The following CDC42BPA variants were observed in gnomAD, a reference collection of about 807,000 sequenced individuals.
CDC42BPA encodes the protein serine/threonine-protein kinase MRCK alpha.
CDC42BPA carries 80 observed loss-of-function variants against 223.5 expected under a neutral mutation model. The observed-to-expected ratio is 0.36, with a 90% CI of 0.30 to 0.43. CDC42BPA has a LOEUF of 0.43. CDC42BPA is among the 20% of genes least tolerant of loss of function. CDC42BPA has a pLI of 1.00. For missense variants in CDC42BPA, 1,743 were observed against 2,099.9 expected (o/e 0.83, Z 3.32); for synonymous variants, 694 against 718.6 (o/e 0.97, Z 0.55).
rs1432521440 is a variant in CDC42BPA, at chr1:226,991,530, T to C, written c.*2738A>G. 6.6e-6 allele frequency: 1 copy of C among 152,232 alleles called. No individual in the cohort carries two copies. The highest frequency in any genetic ancestry group is 1.9e-4 in the East Asian group (1 of 5,200). The allele number at this position is 152,232 out of a possible 1,614,324, so 9.4% of individuals were successfully genotyped here. A position where few individuals can be genotyped will look rare whatever the true frequency, so the allele number is the denominator to read the frequency against. The stretch of plus-strand genomic sequence containing the variant: ...ATTCCCCCTGGCAGTGTTTCTCTCC[T>C]AAAGCCCTGCTTTTAGAATCTGCAC... On this transcript the variant is annotated 3_prime_UTR_variant, in exon 37 of 37. Transcript: ENST00000366766.
intron 5 of CDC42BPA, among the ~76,000 whole-genome samples, chr1:227,161,491 G>GCTA (rs1663884755): frequency 6.6e-6 from 1 of 152,086 alleles, no homozygotes; most frequent in African/African-American, 2.4e-5. Flanking sequence ...ATATGGGAGG[G>GCTA]CTACTTTAAC....
At chr1:227,077,717 CAAAAT>C (rs953819763) in intron 17 of CDC42BPA, among the ~76,000 whole-genome samples, 4 of 152,082 alleles carry the variant, frequency 2.6e-5, no homozygotes, top group South Asian at 2.1e-4. Flanking sequence ...TACCAACAAA[CAAAAT>C]AAAATAACAG....
chr1:227,180,816 T>C lies in CDC42BPA; in HGVS notation c.599+12970A>G, dbSNP rs1324883422. Among the ~76,000 whole-genome samples the C allele has an allele frequency of 3.9e-5, 6 of 152,182 alleles. No individual in the cohort carries two copies. The East Asian group carries it at 5.8e-4, about 15-fold the overall frequency. On this transcript the variant is annotated intron_variant, in intron 5 of 36. Coordinates refer to ENST00000366766, the MANE Select transcript of CDC42BPA (RefSeq NM_001394014.1). ...TCTTTCTTGTTCTAGTAGGATTCTG[T>C]GTCTTAAATCATTAGCATTTTTGAA...
At chr1:227,100,592 C>A (rs1040504060) in intron 15 of CDC42BPA, among the ~76,000 whole-genome samples, 1 of 144,530 alleles carries the variant, frequency 6.9e-6, no homozygotes, top group Non-Finnish European at 1.5e-5. Flanking sequence ...AGAAGTTTAT[C>A]GTTTCTTTCT....
At chr1:227,065,403 A>G (rs1172696217) in intron 21 of CDC42BPA, among the ~76,000 whole-genome samples, 2 of 152,224 alleles carry the variant, frequency 1.3e-5, no homozygotes, top group African/African-American at 4.8e-5. Context: ...AGTGTTGAGA[A>G]TATGCTCTGC....
At chr1:227,043,269 T>TG (rs1671754148) in intron 23 of CDC42BPA, among the ~76,000 whole-genome samples, 2 of 151,936 alleles carry the variant, frequency 1.3e-5, no homozygotes, top group Non-Finnish European at 2.9e-5. Context: ...AAAAATTAGC[T>TG]GGGCATGGTG....
chr1:227,083,163 C>T (rs1165059984), intron 16 of CDC42BPA, among the ~76,000 whole-genome samples: 1 of 151,456 alleles, frequency 6.6e-6, no homozygotes, highest in African/African-American at 2.4e-5. Flanking sequence ...TCTCTCCTTG[C>T]CTTTTGGGAA....
chr1:227,194,205 T>C (rs1004105039), intron 4 of CDC42BPA, among the ~76,000 whole-genome samples: 4 of 152,152 alleles, frequency 2.6e-5, no homozygotes, highest in Non-Finnish European at 5.9e-5. Flanking sequence ...ATATCATCAT[T>C]ATTATCATCT....
At chr1:227,047,792 C>T (rs1217550026) in intron 23 of CDC42BPA, 135 bp downstream of exon 23, 3 of 559,376 alleles carry the variant, frequency 5.4e-6, no homozygotes, top group Admixed American at 3.2e-5. Flanking sequence ...TATTTGCATT[C>T]ACACATAATT....
intron 1 of CDC42BPA, among the ~76,000 whole-genome samples, chr1:227,305,299 T>C (rs972652850): frequency 7.2e-5 from 11 of 152,112 alleles, no homozygotes; most frequent in Admixed American, 1.3e-4. Context: ...TCCCAGCACT[T>C]TGGGAAGCTG....
intron 1 of CDC42BPA, among the ~76,000 whole-genome samples, chr1:227,311,971 T>C (rs1287820292): frequency 6.6e-6 from 1 of 152,210 alleles, no homozygotes; most frequent in African/African-American, 2.4e-5. Flanking sequence ...GAACTGTCTA[T>C]ATTTTCACTG....
At position 227,026,532 on chromosome 1, in the gene CDC42BPA, T is replaced by C. The variant is rs115055606; in HGVS notation, c.4433-380A>G. ...AGCAGAGAAATCTTCAGGTAAGTGT[T>C]CTAGTCCCTGTTAAGAATGTATAAT... is the stretch of plus-strand genomic sequence containing the variant. On this transcript the variant is annotated intron_variant, in intron 30 of 36. Coordinates refer to ENST00000366766, the MANE Select transcript of CDC42BPA (RefSeq NM_001394014.1). 6.0e-3 allele frequency among the ~76,000 whole-genome samples: 915 copies of C among 152,296 alleles called. 10 individuals carry two copies. Among genetic ancestry groups the C allele is most frequent in the African/African-American group, 0.021 (861 of 41,566 alleles).
At chr1:227,197,110 A>T (rs1670891850) in intron 4 of CDC42BPA, among the ~76,000 whole-genome samples, 1 of 152,172 alleles carries the variant, frequency 6.6e-6, no homozygotes, top group African/African-American at 2.4e-5. Flanking sequence ...TTAGAAATGA[A>T]AGTTATTTGC....
chr1:227,211,994 G>C (rs1416349102), intron 3 of CDC42BPA, among the ~76,000 whole-genome samples: 3 of 152,010 alleles, frequency 2.0e-5, no homozygotes, highest in Non-Finnish European at 2.9e-5. Flanking sequence ...GGATGGACTT[G>C]GGTGGTGAAA....
chr1:227,096,071 G>A (rs1295921330), intron 15 of CDC42BPA, among the ~76,000 whole-genome samples: 10 of 152,060 alleles, frequency 6.6e-5, no homozygotes, highest in Admixed American at 6.6e-4. Context: ...TCTTAAAAGT[G>A]TAATCTTAAA....
At position 227,315,578 on chromosome 1, in the gene CDC42BPA, T is replaced by TAAA. The variant is rs10635986; in HGVS notation, c.178+1424_178+1426dup. Among the ~76,000 whole-genome samples, 906 of 148,534 alleles carry TAAA rather than the reference T, an allele frequency of 6.1e-3. 10 individuals carry two copies. Among genetic ancestry groups the TAAA allele is most frequent in the African/African-American group, 0.021 (852 of 40,632 alleles). On this transcript the variant is annotated intron_variant, in intron 1 of 36. Transcript: ENST00000366766. ...AAAAGTACCAAAACCCTTTAAGTCT[T>TAAA]AAAAAAAAAAATTAACACTACAGAA...
intron 2 of CDC42BPA, among the ~76,000 whole-genome samples, chr1:227,241,015 C>T (rs138993405): frequency 1.3e-5 from 2 of 151,924 alleles, no homozygotes; most frequent in Admixed American, 1.3e-4. Flanking sequence ...AATAAAAATA[C>T]AAACATTTCA....
chr1:227,228,242 C>G (rs1457423363), intron 2 of CDC42BPA, among the ~76,000 whole-genome samples: 2 of 152,230 alleles, frequency 1.3e-5, no homozygotes, highest in African/African-American at 4.8e-5. Context: ...ACCTATGTAA[C>G]AAACCTACAG....
chr1:227,043,241 C>T (rs1043207749), intron 23 of CDC42BPA, among the ~76,000 whole-genome samples: 3 of 151,970 alleles, frequency 2.0e-5, no homozygotes, highest in East Asian at 1.9e-4. Context: ...GGTGAAACCC[C>T]GTCTCTATTA....
Sources: gnomAD v4.1 joint callset for allele counts (sites outside exome capture counted in the v4.1 genomes callset) on GRCh38, gnomAD v4.1.1 for gene constraint, MANE v1.5 for transcripts, NCBI Gene and HGNC (gene_info 2026-07-23, HGNC 2026-07-21) for gene names.